ACP3: variants seen among roughly 807,000 people sequenced by gnomAD.
ACP3 encodes the protein acid phosphatase 3, also known as prostatic acid phosphatase.
A neutral mutation model predicts 45.6 loss-of-function variants in ACP3; 38 were observed. The observed-to-expected ratio is 0.83, with a 90% confidence interval of 0.64 to 1.09. The LOEUF (loss-of-function observed/expected upper bound fraction) is 1.09, where lower values mean the gene tolerates loss of function less well. ACP3 is among the 50% of genes least tolerant of loss of function. The probability of loss-of-function intolerance (pLI) is 0.00; values close to 1 mark genes in which losing one functional copy is unlikely to be tolerated. For synonymous variants in ACP3, 162 were observed against 164.7 expected, an observed-to-expected ratio of 0.98 and a Z score of 0.13; for missense variants, 466 against 463.2, an observed-to-expected ratio of 1.01 and a Z score of -0.05.
At chr3:132,340,463 T>G (rs1237533635) in intron 5 of ACP3, among the ~76,000 whole-genome samples, 1 of 152,232 alleles carries the variant, frequency 6.6e-6, no homozygotes, top group Non-Finnish European at 1.5e-5. Flanking sequence ...CTTCTATATT[T>G]TGAGTCATGT....
At chr3:132,342,165 C>T (rs776991674) in intron 5 of ACP3, among the ~76,000 whole-genome samples, 7 of 152,148 alleles carry the variant, frequency 4.6e-5, no homozygotes, top group Non-Finnish European at 1.0e-4. Context: ...CCAGCACGAA[C>T]CAGGAACATG....
chr3:132,353,029 T>C (rs762023052), intron 9 of ACP3, among the ~76,000 whole-genome samples: 2 of 152,150 alleles, frequency 1.3e-5, no homozygotes, highest in African/African-American at 2.4e-5. Context: ...ACACAGTAGA[T>C]GAAAAAATTG....
intron 9 of ACP3, 100 bp from the exon 10 acceptor site, chr3:132,356,586 G>T: frequency 1.3e-6 from 2 of 1,582,552 alleles, no homozygotes; most frequent in Admixed American, 1.9e-5. Context: ...TTTTCCATTA[G>T]TCCCTCAACT....
intron 5 of ACP3, among the ~76,000 whole-genome samples, chr3:132,338,610 C>T (rs1169125947): frequency 6.6e-6 from 1 of 152,196 alleles, no homozygotes; most frequent in East Asian, 1.9e-4. Context: ...CTACTTCTAT[C>T]AGCACTGCAT....
intron 4 of ACP3, among the ~76,000 whole-genome samples, chr3:132,335,604 C>T (rs185761339): frequency 3.0e-4 from 45 of 152,112 alleles, no homozygotes; most frequent in Admixed American, 1.2e-3. Context: ...TGTCAGATGG[C>T]GATGAGTTCC....
At chr3:132,325,361 A>C (rs1937279107) in intron 1 of ACP3, among the ~76,000 whole-genome samples, 1 of 152,212 alleles carries the variant, frequency 6.6e-6, no homozygotes, top group Non-Finnish European at 1.5e-5. Context: ...GTAGGGGAGT[A>C]CAATTATTTC....
At chr3:132,339,441 G>A (rs542414426) in intron 5 of ACP3, among the ~76,000 whole-genome samples, 1 of 152,290 alleles carries the variant, frequency 6.6e-6, no homozygotes, top group South Asian at 2.1e-4. Context: ...TACAGGTTGA[G>A]GGCTCAGGCC....
intron 10 of ACP3, among the ~76,000 whole-genome samples, chr3:132,367,551 G>T (rs1422623367): frequency 6.6e-6 from 1 of 152,194 alleles, no homozygotes; most frequent in Admixed American, 6.5e-5. Context: ...CTAGTCCTGT[G>T]CTCTTCTTAG....
chr3:132,319,145 A>G (rs1937160149), intron 1 of ACP3, among the ~76,000 whole-genome samples: 1 of 152,216 alleles, frequency 6.6e-6, no homozygotes, highest in Admixed American at 6.5e-5. Context: ...TTAATGGTAG[A>G]TGAAGGGCCA....
At chr3:132,332,464 T>C (rs988184808) in intron 4 of ACP3, 120 bp downstream of exon 4, 1 of 1,175,096 alleles carries the variant, frequency 8.5e-7, no homozygotes, top group Non-Finnish European at 1.2e-6. Flanking sequence ...TTTAATTCTT[T>C]CTTAAATAAA....
rs928516546 is a variant in ACP3 at position 132,357,772 on chromosome 3, G to C, written c.*894G>C. 2.0e-6 allele frequency: 2 copies of C among 983,884 alleles called. No individual in the cohort carries two copies. The highest frequency in any genetic ancestry group is 2.4e-6 in the Non-Finnish European group (2 of 828,636). 60.9% of individuals were successfully genotyped at this position (983,884 alleles called of 1,614,324 possible). The stretch of plus-strand genomic sequence containing the variant: ...TTTAAGGCCAGGCATGGTGGTTTAC[G>C]CCTATAATCCCAGCATTTTGGGAGT... On this transcript the variant is annotated 3_prime_UTR_variant, in exon 10 of 10. Coordinates refer to ENST00000336375, the MANE Select transcript of ACP3 (RefSeq NM_001099.5).
intron 1 of ACP3, among the ~76,000 whole-genome samples, chr3:132,323,271 T>C (rs983832503): frequency 6.6e-6 from 1 of 152,092 alleles, no homozygotes; most frequent in Non-Finnish European, 1.5e-5. Context: ...ATAATGTACC[T>C]GGAAGTACTA....
chr3:132,349,096 A>G (rs993030155), intron 7 of ACP3, among the ~76,000 whole-genome samples: 3 of 149,444 alleles, frequency 2.0e-5, no homozygotes, highest in African/African-American at 4.9e-5. Context: ...CCAGATAGTT[A>G]CAGACATCTC....
At chr3:132,320,007 A>T (rs571922553) in intron 1 of ACP3, among the ~76,000 whole-genome samples, 111 of 151,466 alleles carry the variant, frequency 7.3e-4, no homozygotes, top group African/African-American at 2.6e-3. Flanking sequence ...TGACCCATGA[A>T]ATGCTAGTTT....
intron 8 of ACP3, among the ~76,000 whole-genome samples, chr3:132,351,953 T>C (rs1364605790): frequency 6.6e-6 from 1 of 152,234 alleles, no homozygotes; most frequent in African/African-American, 2.4e-5. Context: ...CATCCTATAC[T>C]TCCTTGTATT....
At position 132,326,026 on chromosome 3, in the gene ACP3, A is replaced by T. The variant is rs190191582; in HGVS notation, c.121-2241A>T. 5.9e-5 allele frequency among the ~76,000 whole-genome samples: 9 copies of T among 152,292 alleles called. No individual in the cohort carries two copies. The East Asian group carries it at 1.7e-3, about 29-fold the overall frequency. The stretch of plus-strand genomic sequence containing the variant: ...GGTGGGAAGCAATGTAAATTATTTT[A>T]TTACAATGTCTCTCACCTGACTTCT... On this transcript the variant is annotated intron_variant, in intron 1 of 9. Coordinates refer to ENST00000336375, the MANE Select transcript of ACP3 (RefSeq NM_001099.5).
chr3:132,337,874 T>C (rs544499805), intron 5 of ACP3, among the ~76,000 whole-genome samples: 1 of 152,300 alleles, frequency 6.6e-6, no homozygotes, highest in African/African-American at 2.4e-5. Flanking sequence ...TTATTCAGGC[T>C]AAGGGGCTGG....
At chr3:132,359,735 T>C (rs1938004593), downstream of ACP3, among the ~76,000 whole-genome samples, 1 of 152,152 alleles carries the variant, frequency 6.6e-6, no homozygotes, top group South Asian at 2.1e-4. Flanking sequence ...TGAAATATGA[T>C]TAAGCAGCAA....
Position 132,337,524 on chromosome 3 carries a change from G to A in ACP3, c.525G>A (p.Glu175=). The part of the protein sequence containing the change: ...QELESETLKS[E]EFQKRLHPYK... ...TTGAGAGTGAGACTTTGAAATCAGAGGAATTCCAGAAGAGGCTGCACCCTT... is the reference window on the plus strand; with the variant it reads ...TTGAGAGTGAGACTTTGAAATCAGAAGAATTCCAGAAGAGGCTGCACCCTT... Residue 175 remains glutamate (E), a synonymous_variant, in exon 5 of 10, where the codon GAG becomes GAA. Coordinates refer to ENST00000336375, the MANE Select transcript of ACP3 (RefSeq NM_001099.5). 1.9e-6 allele frequency: 3 copies of A among 1,610,640 alleles called. No individual in the cohort carries two copies. Among genetic ancestry groups the A allele is most frequent in the East Asian group, 4.5e-5 (2 of 44,852 alleles).
Sources: gnomAD v4.1 joint callset for allele counts (sites outside exome capture counted in the v4.1 genomes callset) on GRCh38, gnomAD v4.1.1 for gene constraint, MANE v1.5 for transcripts, NCBI Gene and HGNC (gene_info 2026-07-23, HGNC 2026-07-21) for gene names.